The following ROCK2 variants were observed in gnomAD, a reference collection of about 807,000 sequenced individuals.
ROCK2 encodes rho-associated protein kinase 2.
In ROCK2, 61 loss-of-function variants were observed where a neutral mutation model predicts 195.1. The observed-to-expected ratio is 0.31, with a 90% CI of 0.25 to 0.39. The LOEUF (loss-of-function observed/expected upper bound fraction) is 0.39. ROCK2 is among the 10% of genes least tolerant of loss of function. The pLI is 1.00. For missense variants in ROCK2, 1,109 were observed against 1,637.4 expected (o/e 0.68, Z 5.57); for synonymous variants, 504 against 545.5 (o/e 0.92, Z 1.06).
intron 1 of ROCK2, among the ~76,000 whole-genome samples, chr2:11,298,817 G>C (rs1667617182): frequency 2.0e-5 from 3 of 152,138 alleles, no homozygotes; most frequent in Admixed American, 2.0e-4. Flanking sequence ...GTGAGAAGAG[G>C]AGAGCTGCCC....
intron 3 of ROCK2, among the ~76,000 whole-genome samples, chr2:11,260,496 A>G (rs1309067621): frequency 6.6e-6 from 1 of 150,410 alleles, no homozygotes; most frequent in African/African-American, 2.4e-5. Flanking sequence ...TCCTTCTTCT[A>G]TATATATTTA....
intron 1 of ROCK2, among the ~76,000 whole-genome samples, chr2:11,342,463 T>C (rs989973828): frequency 6.6e-6 from 1 of 152,250 alleles, no homozygotes; most frequent in Non-Finnish European, 1.5e-5. Flanking sequence ...TTATGATTAA[T>C]ATCATTAAAG....
intron 20 of ROCK2, 125 bp downstream of exon 20, chr2:11,207,601 T>C: frequency 2.9e-6 from 2 of 682,118 alleles, no homozygotes; most frequent in Non-Finnish European, 2.3e-6. Flanking sequence ...ACATTACCTG[T>C]ACAGAAATAA....
intron 1 of ROCK2, among the ~76,000 whole-genome samples, chr2:11,319,035 T>C (rs1451590330): frequency 1.3e-5 from 2 of 152,190 alleles, no homozygotes; most frequent in South Asian, 2.1e-4. Flanking sequence ...AGTCAGGTAG[T>C]GTGATGCCTC....
At chr2:11,300,089 T>C (rs774308059) in intron 1 of ROCK2, among the ~76,000 whole-genome samples, 3 of 152,172 alleles carry the variant, frequency 2.0e-5, no homozygotes, top group Non-Finnish European at 4.4e-5. Flanking sequence ...AAAGGTCCCA[T>C]TGATGAAACA....
intron 5 of ROCK2, among the ~76,000 whole-genome samples, chr2:11,232,968 T>G (rs1197169393): frequency 1.3e-5 from 2 of 152,080 alleles, no homozygotes; most frequent in African/African-American, 2.4e-5. Context: ...AATCCCAGCA[T>G]TTTAGGAGGC....
At chr2:11,206,281 C>T (rs1296845354) in intron 20 of ROCK2, among the ~76,000 whole-genome samples, 3 of 151,982 alleles carry the variant, frequency 2.0e-5, no homozygotes, top group Admixed American at 6.6e-5. Context: ...AATAACAGAA[C>T]GCCATTCACT....
intron 20 of ROCK2, among the ~76,000 whole-genome samples, chr2:11,207,087 T>A (rs1382474823): frequency 2.6e-5 from 4 of 152,154 alleles, no homozygotes; most frequent in Non-Finnish European, 5.9e-5. Context: ...TTACTATATA[T>A]TTTATCTTTT....
chr2:11,344,129 C>T lies in ROCK2; in HGVS notation c.8G>A (p.Arg3Gln), dbSNP rs2148286382. ...GGGCATTTTCCCCGTCGGCGGGGGCCGGCTCATGCCGCCACCGCTGGACCC... is the reference window on the plus strand; with the variant it reads ...GGGCATTTTCCCCGTCGGCGGGGGCTGGCTCATGCCGCCACCGCTGGACCC... MSRPPPTGKMPGA... is the reference protein window; with the variant it reads MSQPPPTGKMPGA... Residue 3 changes from arginine (R) to glutamine (Q), a missense_variant, in exon 1 of 33, where the codon CGG becomes CAG. Arg to Gln is a conservative substitution (Grantham distance 43). Coordinates refer to ENST00000315872, the MANE Select transcript of ROCK2 (RefSeq NM_004850.5). The surrounding 1 kb of genome is among the most constrained non-coding windows in gnomAD (Gnocchi z 5.4). The T allele has an allele frequency of 2.1e-6, 3 of 1,455,796 alleles. No individual in the cohort carries two copies. Among genetic ancestry groups the T allele is most frequent in the East Asian group, 2.8e-5 (1 of 35,494 alleles). The allele number at this position is 1,455,796 out of a possible 1,614,324, so 90.2% of individuals were successfully genotyped here. A position where few individuals can be genotyped will look rare whatever the true frequency, so the allele number is the denominator to read the frequency against.
intron 3 of ROCK2, among the ~76,000 whole-genome samples, chr2:11,271,244 C>G (rs1041271928): frequency 6.6e-5 from 10 of 152,184 alleles, no homozygotes; most frequent in Admixed American, 2.0e-4. Flanking sequence ...TTCTTGGAAG[C>G]ATGAGGAGAT....
At chr2:11,298,990 C>A (rs887125038) in intron 1 of ROCK2, among the ~76,000 whole-genome samples, 1 of 151,788 alleles carries the variant, frequency 6.6e-6, no homozygotes, top group Non-Finnish European at 1.5e-5. Flanking sequence ...CGCTGGAGGC[C>A]GGGCACGGTG....
chr2:11,295,911 C>G (rs1363941096), intron 1 of ROCK2, among the ~76,000 whole-genome samples: 2 of 149,700 alleles, frequency 1.3e-5, no homozygotes, highest in Non-Finnish European at 3.0e-5. Flanking sequence ...GAGCCGAGAT[C>G]GCGCCACTGC....
chr2:11,310,255 A>G (rs1324781179), intron 1 of ROCK2, among the ~76,000 whole-genome samples: 1 of 152,132 alleles, frequency 6.6e-6, no homozygotes, highest in Admixed American at 6.5e-5. Flanking sequence ...ACCTGGTGTT[A>G]GCACTGATTA....
intron 4 of ROCK2, among the ~76,000 whole-genome samples, chr2:11,242,776 G>A (rs531390600): frequency 6.6e-6 from 1 of 152,226 alleles, no homozygotes; most frequent in African/African-American, 2.4e-5. Flanking sequence ...TGCCATGTGT[G>A]TACTACCATG....
intron 18 of ROCK2, among the ~76,000 whole-genome samples, chr2:11,210,324 CT>C (rs755433244): frequency 2.5e-3 from 353 of 143,372 alleles, no homozygotes; most frequent in Middle Eastern, 3.7e-3. Context: ...GAAAATAGTC[CT>C]TTTTTTTTTT....
chr2:11,289,759 A>G (rs1667304333), intron 1 of ROCK2, among the ~76,000 whole-genome samples: 1 of 152,200 alleles, frequency 6.6e-6, no homozygotes, highest in Admixed American at 6.5e-5. Flanking sequence ...ATCTTCCCCA[A>G]AAGTTCTCTC....
intron 3 of ROCK2, among the ~76,000 whole-genome samples, chr2:11,277,912 C>A (rs1473761594): frequency 5.9e-5 from 9 of 152,278 alleles, no homozygotes; most frequent in Admixed American, 5.2e-4. Flanking sequence ...GATTTACAGG[C>A]AGGATTCCTC....
chr2:11,229,800 A>G (rs2148092061), intron 5 of ROCK2, among the ~76,000 whole-genome samples: 1 of 152,284 alleles, frequency 6.6e-6, no homozygotes, highest in East Asian at 1.9e-4. Flanking sequence ...TGGTTAGCAA[A>G]TCTGTTTGTC....
At chr2:11,293,955 G>A (rs943693227) in intron 1 of ROCK2, among the ~76,000 whole-genome samples, 4 of 152,082 alleles carry the variant, frequency 2.6e-5, no homozygotes, top group African/African-American at 4.8e-5. Context: ...TCAGGAGATC[G>A]AGACCATCCT....
Sources: allele counts gnomAD v4.1 joint callset (sites outside exome capture counted in the v4.1 genomes callset), GRCh38; gene constraint gnomAD v4.1.1; non-coding constraint Gnocchi (gnomAD v3.1); transcripts MANE v1.5; gene names NCBI Gene and HGNC (gene_info 2026-07-23, HGNC 2026-07-21).